Variants in ZYG11A observed in about 807,000 individuals in gnomAD.
ZYG11A encodes the protein zyg-11 family member A, cell cycle regulator.
ZYG11A carries 62 observed loss-of-function variants against 77.2 expected under a neutral mutation model. That is an observed-to-expected ratio of 0.80 (90% CI 0.65 to 0.99). ZYG11A has a LOEUF of 0.99. Among genes scored for constraint, ZYG11A ranks in the 50% least tolerant of loss-of-function variants. The pLI is 0.00. For missense variants in ZYG11A, 828 were observed against 896.8 expected (o/e 0.92, Z 0.98); for synonymous variants, 315 against 324.6 (o/e 0.97, Z 0.32).
chr1:52,849,688 C>CT (rs1553267435), intron 1 of ZYG11A, among the ~76,000 whole-genome samples: 1,194 of 41,390 alleles, frequency 0.029, 8 homozygotes, highest in Non-Finnish European at 0.04. Flanking sequence ...TTATACATTT[C>CT]TTTTTTTTTT....
chr1:52,874,237 CTCTA>C (rs1435589146), intron 8 of ZYG11A, among the ~76,000 whole-genome samples: 6 of 108,608 alleles, frequency 5.5e-5, no homozygotes, highest in African/African-American at 1.9e-4. Context: ...AGCTCTCTCT[CTCTA>C]TATATATATA....
chr1:52,865,679 G>A (rs1646011759), intron 5 of ZYG11A, among the ~76,000 whole-genome samples: 1 of 152,104 alleles, frequency 6.6e-6, no homozygotes. Context: ...ACTCAAAAAT[G>A]TTATATGTTG....
chr1:52,848,097 C>T (rs1361728521), intron 1 of ZYG11A, among the ~76,000 whole-genome samples: 2 of 152,108 alleles, frequency 1.3e-5, no homozygotes, highest in African/African-American at 4.8e-5. Flanking sequence ...TCTCAATCTC[C>T]TGACCTCGTG....
chr1:52,878,385 G>T (rs1019324928), intron 10 of ZYG11A, among the ~76,000 whole-genome samples: 1 of 152,016 alleles, frequency 6.6e-6, no homozygotes. Context: ...GTGTCCACAG[G>T]CTTCTCCACA....
intron 8 of ZYG11A, among the ~76,000 whole-genome samples, chr1:52,873,330 A>T (rs1478013338): frequency 1.3e-5 from 2 of 152,176 alleles, no homozygotes; most frequent in Non-Finnish European, 2.9e-5. Context: ...AACAAAAATA[A>T]TATTCATGAT....
intron 13 of ZYG11A, among the ~76,000 whole-genome samples, chr1:52,887,621 TGCTGGGATTACA>T (rs945133300): frequency 1.4e-4 from 21 of 151,974 alleles, no homozygotes; most frequent in Non-Finnish European, 3.1e-4. Context: ...TCTCCCAAAG[TGCTGGGATTACA>T]GCACTTTGGG....
intron 3 of ZYG11A, among the ~76,000 whole-genome samples, chr1:52,859,285 C>G (rs997013103): frequency 6.6e-6 from 1 of 151,622 alleles, no homozygotes; most frequent in African/African-American, 2.4e-5. Context: ...AACTTGGCAT[C>G]TTTGTTGAAA....
Position 52,865,595 on chromosome 1 carries a change from T to C in ZYG11A, c.1327-908T>C, listed in dbSNP as rs545515425. On this transcript the variant is annotated intron_variant, in intron 5 of 13. Transcript: ENST00000371528. ...GTCCAACAACAGGCGAATAGAAGCA[T>C]TGTAATAAATCTATTTAGGGAAACA... is the stretch of plus-strand genomic sequence containing the variant. Among the ~76,000 whole-genome samples the C allele has an allele frequency of 3.3e-5, 5 of 152,256 alleles. No homozygotes were observed. In the South Asian group the frequency reaches 1.0e-3, roughly 32 times the overall value.
At chr1:52,891,691 C>A (rs1646546063) in intron 13 of ZYG11A, among the ~76,000 whole-genome samples, 1 of 151,764 alleles carries the variant, frequency 6.6e-6, no homozygotes, top group Admixed American at 6.6e-5. Context: ...TGTGGGTCTA[C>A]TTTTATGTAG....
intron 3 of ZYG11A, among the ~76,000 whole-genome samples, chr1:52,859,392 G>C (rs1224726097): frequency 2.6e-5 from 4 of 152,028 alleles, no homozygotes; most frequent in African/African-American, 7.2e-5. Flanking sequence ...CTGGAGTGCA[G>C]TGACACGATC....
chr1:52,869,967 C>T (rs1018362809), intron 8 of ZYG11A, among the ~76,000 whole-genome samples: 21 of 146,294 alleles, frequency 1.4e-4, no homozygotes, highest in African/African-American at 5.1e-4. Flanking sequence ...GGGGCTGACC[C>T]CCCCCCACCC....
intron 1 of ZYG11A, among the ~76,000 whole-genome samples, chr1:52,847,871 TATTTATTTA>T (rs1645626656): frequency 1.2e-5 from 1 of 81,156 alleles, no homozygotes; most frequent in African/African-American, 6.0e-5. Flanking sequence ...TTTATTTATT[TATTTATTTA>T]TTTTTTTGAG....
At chr1:52,853,006 A>G (rs1645742450) in intron 1 of ZYG11A, among the ~76,000 whole-genome samples, 1 of 152,234 alleles carries the variant, frequency 6.6e-6, no homozygotes, top group Non-Finnish European at 1.5e-5. Flanking sequence ...TTGAACTAAA[A>G]GTTAATTGCT....
At chr1:52,843,704 T>G (rs1645502904) in intron 1 of ZYG11A, among the ~76,000 whole-genome samples, 1 of 150,124 alleles carries the variant, frequency 6.7e-6, no homozygotes, top group Admixed American at 6.6e-5. Context: ...TTTTTTTTTT[T>G]TGAGACGGAG....
intron 13 of ZYG11A, among the ~76,000 whole-genome samples, chr1:52,891,832 G>A (rs952441521): frequency 6.2e-5 from 9 of 145,598 alleles, no homozygotes; most frequent in African/African-American, 2.3e-4. Context: ...TCCAGCTCCT[G>A]GAAAATTCCT....
chr1:52,887,178 A>T, intron 13 of ZYG11A, 125 bp downstream of exon 13: 1 of 409,982 alleles, frequency 2.4e-6, no homozygotes, highest in Non-Finnish European at 4.3e-6. Flanking sequence ...TGTGTTTAAA[A>T]AGAAACTGAA....
rs186544212 is a variant in ZYG11A at position 52,854,477 on chromosome 1, C to A, written c.103C>A (p.Pro35Thr). Residue 35 changes from proline (P) to threonine (T), a missense_variant, in exon 2 of 14, where the codon CCC (proline) becomes ACC (threonine). Transcript: ENST00000371528. ...GCCVVQEEAS[P>T]YTLVNICLNV... Reference sequence around the variant, plus strand: ...TTTTGTTTGCTAGGAAGAGGCATCTCCCTACACTTTGGTCAACATCTGCCT... The same window carrying A: ...TTTTGTTTGCTAGGAAGAGGCATCTACCTACACTTTGGTCAACATCTGCCT... 3 of 1,547,376 alleles carry A rather than the reference C, an allele frequency of 1.9e-6. No homozygotes were observed. The highest frequency in any genetic ancestry group is 2.6e-6 in the Non-Finnish European group (3 of 1,144,242).
Position 52,860,730 on chromosome 1 carries a change from G to T in ZYG11A, c.1009-1G>T. The T allele has an allele frequency of 5.2e-6, 8 of 1,549,708 alleles. No homozygotes were observed. Among genetic ancestry groups the T allele is most frequent in the Non-Finnish European group, 7.0e-6 (8 of 1,146,584 alleles). The stretch of plus-strand genomic sequence containing the variant: ...CTGTTTGGTAACATCTTTATTTTCA[G>T]GTTGCTGGAGGAGCCAGTATGAGTC... On this transcript the variant is annotated splice_acceptor_variant, in intron 3 of 13. Transcript: ENST00000371528. LOFTEE classifies it high-confidence loss of function.
intron 6 of ZYG11A, 36 bp downstream of exon 6, chr1:52,866,603 G>A: frequency 7.5e-7 from 1 of 1,337,336 alleles, no homozygotes; most frequent in Non-Finnish European, 1.0e-6. Flanking sequence ...CTGGGGTGTT[G>A]GCCTTTGGTT....
Sources: allele counts gnomAD v4.1 joint callset (sites outside exome capture counted in the v4.1 genomes callset), GRCh38; gene constraint gnomAD v4.1.1; transcripts MANE v1.5; gene names NCBI Gene and HGNC (gene_info 2026-07-23, HGNC 2026-07-21).